SOS2: variants seen among roughly 807,000 people sequenced by gnomAD.
SOS2 encodes the protein son of sevenless homolog 2.
A neutral mutation model predicts 148.2 loss-of-function variants in SOS2; 65 were observed. The observed-to-expected ratio is 0.44, with a 90% confidence interval of 0.36 to 0.54. The LOEUF (loss-of-function observed/expected upper bound fraction) is 0.54. Ranked by LOEUF, SOS2 falls within the 20% of genes least tolerant of loss-of-function variation. The pLI is 0.00. For missense variants in SOS2, 1,341 were observed against 1,590.2 expected, an observed-to-expected ratio of 0.84 and a Z score of 2.67; for synonymous variants, 539 against 537.1, an observed-to-expected ratio of 1.00 and a Z score of -0.05.
intron 4 of SOS2, among the ~76,000 whole-genome samples, chr14:50,189,619 A>G (rs1168008923): frequency 1.3e-5 from 2 of 152,150 alleles, no homozygotes; most frequent in Non-Finnish European, 2.9e-5. Context: ...GTGAAATGCT[A>G]CTATGGTAGA....
intron 1 of SOS2, 166 bp downstream of exon 1, chr14:50,231,031 A>T: frequency 1.6e-6 from 1 of 624,174 alleles, no homozygotes; most frequent in East Asian, 3.7e-5. Context: ...AAAACTTGAG[A>T]AACGTCCTTC....
chr14:50,200,185 C>A (rs578094072), intron 3 of SOS2, among the ~76,000 whole-genome samples: 1 of 152,124 alleles, frequency 6.6e-6, no homozygotes, highest in African/African-American at 2.4e-5. Context: ...CTGCTATCTT[C>A]AAGGACTCTG....
intron 18 of SOS2, among the ~76,000 whole-genome samples, chr14:50,135,642 C>CTTTTT (rs56043962): frequency 3.0e-3 from 245 of 82,572 alleles, no homozygotes; most frequent in Middle Eastern, 0.026. Flanking sequence ...ATGTGGTTTG[C>CTTTTT]TTTTTTTTTT....
chr14:50,214,838 CTT>C (rs565287023), intron 1 of SOS2, among the ~76,000 whole-genome samples: 25 of 136,512 alleles, frequency 1.8e-4, no homozygotes, highest in African/African-American at 1.6e-4. Flanking sequence ...TTCTTTCTTT[CTT>C]TTTTTTTTTT....
At chr14:50,230,983 C>A (rs1887522451) in intron 1 of SOS2, 5 of 837,668 alleles carry the variant, frequency 6.0e-6, no homozygotes, top group African/African-American at 1.8e-5. Context: ...GTTTTATGAT[C>A]ATAACAAAAC....
rs751147588 is a variant in SOS2 at position 50,161,606 on chromosome 14, A to G, written c.1072T>C (p.Leu358=). 4.3e-6 allele frequency: 7 copies of G among 1,609,882 alleles called. No homozygotes were observed. Among genetic ancestry groups the G allele is most frequent in the Non-Finnish European group, 5.9e-6 (7 of 1,178,596 alleles). The change falls in exon 9 of 23, where the codon TTG becomes CTG. Residue 358 remains leucine, a synonymous_variant. Coordinates refer to ENST00000216373, the MANE Select transcript of SOS2 (RefSeq NM_006939.4). The stretch of plus-strand genomic sequence containing the variant: ...TCTTGTTCTTCACTACATGCTTTCA[A>G]TTGCTAAGAAAAAACAGAAAGAAAA... ...CWHYFELLKQ[L]KACSEEQEDR... is the part of the protein sequence containing the mutation.
At chr14:50,177,435 A>AACAAT (rs1263504936) in intron 7 of SOS2, among the ~76,000 whole-genome samples, 5 of 152,096 alleles carry the variant, frequency 3.3e-5, no homozygotes, top group Non-Finnish European at 5.9e-5. Context: ...TTTAAGTTAA[A>AACAAT]ACAATTGAGT....
chr14:50,172,718 G>C (rs1457924219), intron 8 of SOS2, among the ~76,000 whole-genome samples: 2 of 152,040 alleles, frequency 1.3e-5, no homozygotes, highest in Non-Finnish European at 2.9e-5. Context: ...TAGTAATAAA[G>C]AGTATCTGCT....
intron 1 of SOS2, among the ~76,000 whole-genome samples, chr14:50,208,371 G>A (rs1371717179): frequency 6.6e-6 from 1 of 152,024 alleles, no homozygotes; most frequent in Non-Finnish European, 1.5e-5. Flanking sequence ...GCTACAATAG[G>A]CTGGGTGCGG....
intron 17 of SOS2, among the ~76,000 whole-genome samples, chr14:50,139,423 T>G (rs1234544868): frequency 8.5e-5 from 13 of 152,196 alleles, no homozygotes; most frequent in Admixed American, 7.2e-4. Context: ...AGGGTGCTAT[T>G]GGAGTGTAAT....
At chr14:50,133,315 T>C (rs1034598833) in intron 19 of SOS2, among the ~76,000 whole-genome samples, 2 of 145,148 alleles carry the variant, frequency 1.4e-5, no homozygotes, top group African/African-American at 5.1e-5. Context: ...GGAGTGATCT[T>C]GGCTCACTGC....
chr14:50,156,766 A>C, intron 12 of SOS2: 1 of 220,508 alleles, frequency 4.5e-6, no homozygotes, highest in Non-Finnish European at 8.9e-6. Flanking sequence ...ATGTGATGCA[A>C]ACATAGGATA....
intron 22 of SOS2, among the ~76,000 whole-genome samples, chr14:50,119,232 C>G (rs1883416082): frequency 6.6e-6 from 1 of 152,174 alleles, no homozygotes; most frequent in Non-Finnish European, 1.5e-5. Context: ...GCTACTTTCT[C>G]CAGTGAGGCT....
chr14:50,149,507 G>C (rs1330177666), intron 14 of SOS2, among the ~76,000 whole-genome samples: 1 of 152,170 alleles, frequency 6.6e-6, no homozygotes, highest in Non-Finnish European at 1.5e-5. Context: ...GAAGGATTGG[G>C]AGGAGGGGAA....
intron 7 of SOS2, among the ~76,000 whole-genome samples, chr14:50,179,090 A>G (rs1380556258): frequency 6.6e-6 from 1 of 152,112 alleles, no homozygotes; most frequent in African/African-American, 2.4e-5. Context: ...TACTACAGAC[A>G]TTAAGTATGA....
chr14:50,136,411 T>C (rs8020226), intron 18 of SOS2, among the ~76,000 whole-genome samples: 21,736 of 152,056 alleles, frequency 0.14, 2,053 homozygotes, highest in African/African-American at 0.27. Context: ...TTCTGAGATA[T>C]AAATACTAAA....
intron 7 of SOS2, among the ~76,000 whole-genome samples, chr14:50,175,874 A>C (rs952534261): frequency 3.0e-4 from 45 of 152,234 alleles, no homozygotes; most frequent in African/African-American, 1.1e-3. Context: ...ATTTTGTTAA[A>C]TTATAATCTT....
At chr14:50,182,739 C>T in intron 5 of SOS2, 133 bp from the exon 6 acceptor site, 1 of 659,214 alleles carries the variant, frequency 1.5e-6, no homozygotes, top group South Asian at 2.0e-5. Context: ...AGAAACAGTA[C>T]TTTTGCTGCT....
intron 21 of SOS2, among the ~76,000 whole-genome samples, chr14:50,121,828 G>C (rs1300542018): frequency 1.3e-5 from 2 of 152,240 alleles, no homozygotes; most frequent in Non-Finnish European, 2.9e-5. Context: ...GTTAGGCAGA[G>C]GATGTTCCTC....
Sources: gnomAD v4.1 joint callset for allele counts (sites outside exome capture counted in the v4.1 genomes callset) on GRCh38, gnomAD v4.1.1 for gene constraint, MANE v1.5 for transcripts, NCBI Gene and HGNC (gene_info 2026-07-23, HGNC 2026-07-21) for gene names.